TIGD1: variants seen among roughly 807,000 people sequenced by gnomAD.
TIGD1 encodes tigger transposable element derived 1.
Under a neutral mutation model 21.3 loss-of-function variants are expected in TIGD1, and 20 were observed. That is an observed-to-expected ratio of 0.94 (90% CI 0.66 to 1.36). The LOEUF is 1.36. TIGD1 is among the 40% of genes most tolerant of loss of function. TIGD1 has a pLI of 0.00. For synonymous variants in TIGD1, 177 were observed against 123.2 expected (o/e 1.44, Z -2.89); for missense variants, 556 against 350.5 (o/e 1.59, Z -4.68).
chr2:232,549,935 G>A lies in TIGD1; in HGVS notation c.-53C>T. On this transcript the variant is annotated 5_prime_UTR_variant, in exon 1 of 1. Transcript: ENST00000408957. ...AATATTGTTGTGTCTCAGGGAATAGGGAGGCCCAAGAAGAGGGAGAGAGAT... is the reference window on the plus strand; with the variant it reads ...AATATTGTTGTGTCTCAGGGAATAGAGAGGCCCAAGAAGAGGGAGAGAGAT... 3 of 1,033,668 alleles carry A rather than the reference G, an allele frequency of 2.9e-6. No homozygotes were observed. The highest frequency in any genetic ancestry group is 4.2e-6 in the Non-Finnish European group (3 of 718,800). 64.0% of individuals were successfully genotyped at this position (1,033,668 alleles called of 1,614,324 possible). A position where few individuals can be genotyped will look rare whatever the true frequency, so the allele number is the denominator to read the frequency against.
At position 232,546,226 on chromosome 2, in the gene TIGD1, C is replaced by A. The variant is rs2853459; in HGVS notation, c.*1881G>T. On this transcript the variant is annotated 3_prime_UTR_variant, in exon 1 of 1. Coordinates refer to ENST00000408957, the MANE Select transcript of TIGD1 (RefSeq NM_145702.4). ...TTCTGGGTACAATAAGCACCCAATT[C>A]TCAACAGCCCCAGTGGCCTTTCCAT... 1.2e-5 allele frequency: 2 copies of A among 172,994 alleles called. No individual in the cohort carries two copies. The highest frequency in any genetic ancestry group is 2.7e-4 in the South Asian group (2 of 7,330). 10.7% of individuals were successfully genotyped at this position (172,994 alleles called of 1,614,324 possible).
rs1451158589 is a variant in TIGD1, at chr2:232,548,482, T to C, written c.1401A>G (p.Arg467=). 1 of 669,394 alleles carries C rather than the reference T, an allele frequency of 1.5e-6. No homozygotes were observed. The highest frequency in any genetic ancestry group is 2.7e-6 in the Non-Finnish European group (1 of 373,932). The allele number at this position is 669,394 out of a possible 1,614,324, so 41.5% of individuals were successfully genotyped here. ...DEELFLMDAQ[R]KWFLEMESTP... Reference sequence around the variant, plus strand: ...TAGATTCCATCTCAAGAAACCACTTTCTTTGCGCATCCATAAGAAACAACT... The same window carrying C: ...TAGATTCCATCTCAAGAAACCACTTCCTTTGCGCATCCATAAGAAACAACT... The change falls in exon 1 of 1, where the codon AGA becomes AGG. Residue 467 remains arginine, a synonymous_variant. Coordinates refer to ENST00000408957, the MANE Select transcript of TIGD1 (RefSeq NM_145702.4).
At position 232,546,218 on chromosome 2, in the gene TIGD1, A is replaced by C. The variant is rs1574648015; in HGVS notation, c.*1889T>G. ...CCCGTGCCTTCTGGGTACAATAAGCACCCAATTCTCAACAGCCCCAGTGGC... is the reference window on the plus strand; with the variant it reads ...CCCGTGCCTTCTGGGTACAATAAGCCCCCAATTCTCAACAGCCCCAGTGGC... On this transcript the variant is annotated 3_prime_UTR_variant, in exon 1 of 1. Transcript: ENST00000408957. The C allele has an allele frequency of 5.8e-6, 1 of 172,750 alleles. No homozygotes were observed. 10.7% of individuals were successfully genotyped at this position (172,750 alleles called of 1,614,324 possible).
Position 232,545,923 on chromosome 2 carries a change from T to C in TIGD1, c.*2184A>G, listed in dbSNP as rs147814126. The C allele has an allele frequency of 5.9e-4, 388 of 660,884 alleles. 3 individuals are homozygous for C. The highest frequency in any genetic ancestry group is 4.4e-3 in the Middle Eastern group (11 of 2,528). 40.9% of individuals were successfully genotyped at this position (660,884 alleles called of 1,614,324 possible). On this transcript the variant is annotated 3_prime_UTR_variant, in exon 1 of 1. Transcript: ENST00000408957. ...TGGGGGTGGGCCGTGGCTAGTGTCC[T>C]GCTGCAGTCAGCACACACGTGGGAT...
In TIGD1 at chr2:232,545,580, AC is replaced by A; in HGVS notation, c.*2526del. 3 of 1,613,942 alleles carry A rather than the reference AC, an allele frequency of 1.9e-6. No homozygotes were observed. Among genetic ancestry groups the A allele is most frequent in the Non-Finnish European group, 2.5e-6 (3 of 1,179,972 alleles). On this transcript the variant is annotated 3_prime_UTR_variant, in exon 1 of 1. Coordinates refer to ENST00000408957, the MANE Select transcript of TIGD1 (RefSeq NM_145702.4). ...TGGTTCCTGGTGGGCCGAGTGCTGGACCGCGTCTGCTTCCTGGCCATGCTCT... is the reference window on the plus strand; with the variant it reads ...TGGTTCCTGGTGGGCCGAGTGCTGGACGCGTCTGCTTCCTGGCCATGCTCT...
chr2:232,545,764 A>G lies in TIGD1; in HGVS notation c.*2343T>C, dbSNP rs1329683219. On this transcript the variant is annotated 3_prime_UTR_variant, in exon 1 of 1. Coordinates refer to ENST00000408957, the MANE Select transcript of TIGD1 (RefSeq NM_145702.4). ...TGTGGGAGTCACACACGTGGGTCAC[A>G]CTGAGTCTTATCAGCCACGTTCTCC... The G allele has an allele frequency of 1.9e-6, 3 of 1,599,772 alleles. No homozygotes were observed. The highest frequency in any genetic ancestry group is 2.6e-6 in the Non-Finnish European group (3 of 1,167,970).
In TIGD1 at chr2:232,548,015, CT is replaced by C; in HGVS notation, c.*91del. ...ATATAAAAGTTATGTTTACACTATA[CT>C]GTAGACCAGCAAGAGTGCAATAGCA... On this transcript the variant is annotated 3_prime_UTR_variant, in exon 1 of 1. Coordinates refer to ENST00000408957, the MANE Select transcript of TIGD1 (RefSeq NM_145702.4). 1.9e-6 allele frequency: 1 copy of C among 536,074 alleles called. No individual in the cohort carries two copies. The allele number at this position is 536,074 out of a possible 1,614,324, so 33.2% of individuals were successfully genotyped here.
At position 232,548,823 on chromosome 2, in the gene TIGD1, C is replaced by A. The variant is rs747251304; in HGVS notation, c.1060G>T (p.Ala354Ser). ...ACATCACTATCCATGGCAGCTAGAG[C>A]CTTATGAAATGTATTTCTCAAATAA... ...SYYLRNTFHK[A>S]LAAMDSDVSD... The change falls in exon 1 of 1, where the codon GCT (alanine) becomes TCT (serine). Residue 354 changes from alanine (A) to serine (S), a missense_variant. By Grantham distance (99) the Ala-to-Ser change is moderately conservative. Transcript: ENST00000408957. 7 of 575,296 alleles carry A rather than the reference C, an allele frequency of 1.2e-5. No individual in the cohort carries two copies. The highest frequency in any genetic ancestry group is 2.2e-5 in the Admixed American group (1 of 45,000). 35.6% of individuals were successfully genotyped at this position (575,296 alleles called of 1,614,324 possible). A position where few individuals can be genotyped will look rare whatever the true frequency, so the allele number is the denominator to read the frequency against.
chr2:232,545,975 C>G lies in TIGD1; in HGVS notation c.*2132G>C. Reference sequence around the variant, plus strand: ...GGCTAGCTCATCCTGGCACCAGCCACCCCTCCACTCAGTGCACTCCCCTCA... The same window carrying G: ...GGCTAGCTCATCCTGGCACCAGCCAGCCCTCCACTCAGTGCACTCCCCTCA... On this transcript the variant is annotated 3_prime_UTR_variant, in exon 1 of 1. Transcript: ENST00000408957. 1 of 597,840 alleles carries G rather than the reference C, an allele frequency of 1.7e-6. No individual in the cohort carries two copies. Among genetic ancestry groups the G allele is most frequent in the Non-Finnish European group, 3.0e-6 (1 of 328,546 alleles). 37.0% of individuals were successfully genotyped at this position (597,840 alleles called of 1,614,324 possible).
At position 232,549,684 on chromosome 2, in the gene TIGD1, T is replaced by C. The variant is rs780354593; in HGVS notation, c.199A>G (p.Met67Val). ...FLKEVKSATP[M>V]NTRMIRKRNS... ...CGCTTTCTTATCATTCGTGTGTTCATTGGAGTAGCACTTTTAACTTCCTTC... is the reference window on the plus strand; with the variant it reads ...CGCTTTCTTATCATTCGTGTGTTCACTGGAGTAGCACTTTTAACTTCCTTC... The change falls in exon 1 of 1, where the codon ATG becomes GTG. Residue 67 changes from methionine (M) to valine (V), a missense_variant. Physicochemically the swap from Met to Val is conservative, Grantham distance 21. Transcript: ENST00000408957. The C allele has an allele frequency of 8.0e-6, 6 of 746,046 alleles. No individual in the cohort carries two copies. Among genetic ancestry groups the C allele is most frequent in the East Asian group, 5.3e-5 (2 of 37,450 alleles). 46.2% of individuals were successfully genotyped at this position (746,046 alleles called of 1,614,324 possible). A position where few individuals can be genotyped will look rare whatever the true frequency, so the allele number is the denominator to read the frequency against.
At position 232,545,793 on chromosome 2, in the gene TIGD1, T is replaced by A; in HGVS notation, c.*2314A>T. 9 of 1,512,300 alleles carry A rather than the reference T, an allele frequency of 6.0e-6. No homozygotes were observed. Among genetic ancestry groups the A allele is most frequent in the Non-Finnish European group, 8.2e-6 (9 of 1,091,308 alleles). The allele number at this position is 1,512,300 out of a possible 1,614,324, so 93.7% of individuals were successfully genotyped here. On this transcript the variant is annotated 3_prime_UTR_variant, in exon 1 of 1. Coordinates refer to ENST00000408957, the MANE Select transcript of TIGD1 (RefSeq NM_145702.4). ...AGTCTTATCAGCCACGTTCTCCTACTGAGGTCCTAAGTGTGCTCTTTGGGA... is the reference window on the plus strand; with the variant it reads ...AGTCTTATCAGCCACGTTCTCCTACAGAGGTCCTAAGTGTGCTCTTTGGGA...
In TIGD1 at chr2:232,548,283, A is replaced by C. The variant is rs745351286; in HGVS notation, c.1600T>G (p.Phe534Val). 2 of 1,535,702 alleles carry C rather than the reference A, an allele frequency of 1.3e-6. No individual in the cohort carries two copies. Among genetic ancestry groups the C allele is most frequent in the South Asian group, 1.2e-5 (1 of 82,196 alleles). ...ATGAGTTGACTCTTCCTTTCATGAAAGATTTCTCTGTAGCATGCGATGCTG... is the reference window on the plus strand; with the variant it reads ...ATGAGTTGACTCTTCCTTTCATGAACGATTTCTCTGTAGCATGCGATGCTG... ...SNSIACYREI[F>V]HERKSQLMRK... is the part of the protein sequence containing the mutation. The change falls in exon 1 of 1, where the codon TTT becomes GTT. Residue 534 changes from phenylalanine to valine, a missense_variant. Transcript: ENST00000408957.
chr2:232,545,152 C>T lies in TIGD1; in HGVS notation c.*2955G>A, dbSNP rs1488022590. Among the ~76,000 whole-genome samples the T allele has an allele frequency of 5.3e-5, 8 of 151,746 alleles. No homozygotes were observed. Among genetic ancestry groups the T allele is most frequent in the African/African-American group, 1.9e-4 (8 of 41,342 alleles). On this transcript the variant is annotated 3_prime_UTR_variant, in exon 1 of 1. Transcript: ENST00000408957. The stretch of plus-strand genomic sequence containing the variant: ...TCTCTACCAAAAATACCAAAAATAC[C>T]AAAAATTAGCTGGGTGTGGTGGCGG...
rs1388000624 is a variant in TIGD1, at chr2:232,546,976, T to G, written c.*1131A>C. ...CTAATCAGGTAGTAAGGCTGGGGTC[T>G]TCCTGGGGGAGAGGCAAGGTCCTGC... On this transcript the variant is annotated 3_prime_UTR_variant, in exon 1 of 1. Transcript: ENST00000408957. Among the ~76,000 whole-genome samples the G allele has an allele frequency of 6.6e-6, 1 of 152,172 alleles. No homozygotes were observed. Among genetic ancestry groups the G allele is most frequent in the East Asian group, 1.9e-4 (1 of 5,194 alleles).
chr2:232,544,624 C>T lies in TIGD1; in HGVS notation c.*3483G>A. The T allele has an allele frequency of 6.3e-7, 1 of 1,582,010 alleles. No homozygotes were observed. The highest frequency in any genetic ancestry group is 8.7e-7 in the Non-Finnish European group (1 of 1,152,582). ...GCCTGGGGACAGTCCTCCCCTGGGA[C>T]CCCAGCTGGGGAGCCAGGCACAGCA... On this transcript the variant is annotated 3_prime_UTR_variant, in exon 1 of 1. Transcript: ENST00000408957.
At position 232,544,786 on chromosome 2, in the gene TIGD1, T is replaced by C; in HGVS notation, c.*3321A>G. On this transcript the variant is annotated 3_prime_UTR_variant, in exon 1 of 1. Coordinates refer to ENST00000408957, the MANE Select transcript of TIGD1 (RefSeq NM_145702.4). ...CTCTTTATCAGAGAAAGGCCCGGAG[T>C]TAGGGCTGAGCCAGTTCTGTGGCAG... The C allele has an allele frequency of 5.0e-6, 8 of 1,613,926 alleles. No homozygotes were observed. Among genetic ancestry groups the C allele is most frequent in the Non-Finnish European group, 6.8e-6 (8 of 1,179,978 alleles).
Position 232,545,929 on chromosome 2 carries a change from A to C in TIGD1, c.*2178T>G. ...TGGGCCGTGGCTAGTGTCCTGCTGC[A>C]GTCAGCACACACGTGGGATTGGCTA... is the stretch of plus-strand genomic sequence containing the variant. On this transcript the variant is annotated 3_prime_UTR_variant, in exon 1 of 1. Transcript: ENST00000408957. 1.5e-6 allele frequency: 1 copy of C among 651,476 alleles called. No homozygotes were observed. Among genetic ancestry groups the C allele is most frequent in the Admixed American group, 2.1e-5 (1 of 46,898 alleles). 40.4% of individuals were successfully genotyped at this position (651,476 alleles called of 1,614,324 possible).
rs762540344 is a variant in TIGD1 at position 232,544,831 on chromosome 2, G to A, written c.*3276C>T. 8 of 1,613,910 alleles carry A rather than the reference G, an allele frequency of 5.0e-6. No homozygotes were observed. The highest frequency in any genetic ancestry group is 1.1e-5 in the South Asian group (1 of 91,086). On this transcript the variant is annotated 3_prime_UTR_variant, in exon 1 of 1. Transcript: ENST00000408957. ...TGGCAGCCTGAAGCAGGCTGCCCCA[G>A]CCATCCAGGCCTGTGTGGAAGCCTG...
chr2:232,544,588 A>C lies in TIGD1; in HGVS notation c.*3519T>G, dbSNP rs573144658. ...CAGCGCTGGAGAAGCTAGGTGAGAC[A>C]CACCAGGTGTGCCTGGGGACAGTCC... On this transcript the variant is annotated 3_prime_UTR_variant, in exon 1 of 1. Transcript: ENST00000408957. 14 of 1,609,898 alleles carry C rather than the reference A, an allele frequency of 8.7e-6. No homozygotes were observed. The highest frequency in any genetic ancestry group is 5.5e-5 in the South Asian group (5 of 91,010).
Sources: allele counts gnomAD v4.1 joint callset (sites outside exome capture counted in the v4.1 genomes callset), GRCh38; gene constraint gnomAD v4.1.1; transcripts MANE v1.5; gene names NCBI Gene and HGNC (gene_info 2026-07-23, HGNC 2026-07-21).